NFIC: variants seen among roughly 807,000 people sequenced by gnomAD.
NFIC encodes nuclear factor 1 C-type.
A neutral mutation model predicts 54.4 loss-of-function variants in NFIC; 12 were observed. That is an observed-to-expected ratio of 0.22 (90% CI 0.14 to 0.36). The LOEUF is 0.36. Among genes scored for constraint, NFIC ranks in the 10% least tolerant of loss-of-function variants. The pLI is 1.00. For synonymous variants in NFIC, 322 were observed against 319.2 expected, an observed-to-expected ratio of 1.01 and a Z score of -0.09; for missense variants, 575 against 718.2, an observed-to-expected ratio of 0.80 and a Z score of 2.28.
chr19:3,451,099 G>A (rs1429952375), intron 7 of NFIC, among the ~76,000 whole-genome samples: 1 of 152,194 alleles, frequency 6.6e-6, no homozygotes, highest in Non-Finnish European at 1.5e-5. Flanking sequence ...AAGAGGAAAA[G>A]GCAGGCACCA....
Position 3,463,076 on chromosome 19 carries a change from C to A in NFIC, c.*307C>A. Reference sequence around the variant, plus strand: ...GGACTGGAGGGCCAGGCCCCGCCACCCCCACGGGAGACCCGGGACAGGGCG... The same window carrying A: ...GGACTGGAGGGCCAGGCCCCGCCACACCCACGGGAGACCCGGGACAGGGCG... On this transcript the variant is annotated 3_prime_UTR_variant, in exon 11 of 11. Coordinates refer to ENST00000443272, the MANE Select transcript of NFIC (RefSeq NM_001245002.2). 7.6e-7 allele frequency: 1 copy of A among 1,310,610 alleles called. No homozygotes were observed. Among genetic ancestry groups the A allele is most frequent in the South Asian group, 1.9e-5 (1 of 53,054 alleles). The allele number at this position is 1,310,610 out of a possible 1,614,324, so 81.2% of individuals were successfully genotyped here.
intron 9 of NFIC, among the ~76,000 whole-genome samples, chr19:3,454,717 C>T (rs879702017): frequency 1.3e-4 from 20 of 151,630 alleles, no homozygotes; most frequent in Non-Finnish European, 2.4e-4. Context: ...TCCATCTGCC[C>T]CTCACCCCCC....
chr19:3,454,146 C>T (rs991858026), intron 9 of NFIC: 4 of 1,299,834 alleles, frequency 3.1e-6, no homozygotes, highest in Non-Finnish European at 2.9e-6. Flanking sequence ...AGTCCAGGGT[C>T]TGTCCCCTTC....
intron 7 of NFIC, among the ~76,000 whole-genome samples, chr19:3,451,079 A>G (rs2082455298): frequency 6.6e-6 from 1 of 152,138 alleles, no homozygotes; most frequent in Non-Finnish European, 1.5e-5. Flanking sequence ...AAATCACTGA[A>G]CTGTTTAGAA....
chr19:3,416,390 A>G (rs1326064077), intron 2 of NFIC, among the ~76,000 whole-genome samples: 1 of 150,200 alleles, frequency 6.7e-6, no homozygotes, highest in Non-Finnish European at 1.5e-5. Flanking sequence ...ATGTACCTAT[A>G]TGGCCTGTAG....
At chr19:3,454,105 C>A in intron 9 of NFIC, 189 bp downstream of exon 9, 1 of 1,353,562 alleles carries the variant, frequency 7.4e-7, no homozygotes, top group Non-Finnish European at 9.4e-7. Flanking sequence ...GCCTTAGGGG[C>A]TGGCCGGACC....
intron 6 of NFIC, among the ~76,000 whole-genome samples, chr19:3,442,966 C>T (rs758288908): frequency 1.3e-5 from 2 of 152,212 alleles, no homozygotes; most frequent in African/African-American, 2.4e-5. Context: ...GGACACTGGC[C>T]GGTGTCTAGG....
At position 3,370,839 on chromosome 19, in the gene NFIC, G is replaced by A. The variant is rs1467064370; in HGVS notation, c.30+4173G>A. ...GGGCCTCCTGCCCCGGACACGGCCCGCCCCCCACTCTCCTGCCTGTGTCCA... is the reference window on the plus strand; with the variant it reads ...GGGCCTCCTGCCCCGGACACGGCCCACCCCCCACTCTCCTGCCTGTGTCCA... On this transcript the variant is annotated intron_variant, in intron 1 of 10. Transcript: ENST00000443272. This position sits in a 1 kb window ranked among gnomAD's most constrained non-coding sequence, Gnocchi z 5.2. Among the ~76,000 whole-genome samples, 5 of 151,980 alleles carry A rather than the reference G, an allele frequency of 3.3e-5. No individual in the cohort carries two copies. Among genetic ancestry groups the A allele is most frequent in the African/African-American group, 9.7e-5 (4 of 41,364 alleles).
At chr19:3,385,431 A>G (rs1009938263) in intron 2 of NFIC, among the ~76,000 whole-genome samples, 1 of 152,100 alleles carries the variant, frequency 6.6e-6, no homozygotes, top group Non-Finnish European at 1.5e-5. Flanking sequence ...TAAACCACCC[A>G]CAAGGCATCG....
intron 2 of NFIC, among the ~76,000 whole-genome samples, chr19:3,393,237 T>A (rs534830369): frequency 1.3e-5 from 2 of 152,226 alleles, no homozygotes; most frequent in East Asian, 3.9e-4. Context: ...AGTCCCATCT[T>A]TAGGTCCGCT....
chr19:3,438,285 AGG>A (rs1395579611), intron 6 of NFIC, among the ~76,000 whole-genome samples: 2 of 74,920 alleles, frequency 2.7e-5, no homozygotes, highest in African/African-American at 8.2e-5. Flanking sequence ...CAATGGGGGG[AGG>A]ACAAAGAGGA....
intron 3 of NFIC, 89 bp from the exon 4 acceptor site, chr19:3,433,429 C>A: frequency 4.2e-6 from 6 of 1,420,704 alleles, no homozygotes; most frequent in Non-Finnish European, 5.9e-6. Context: ...AGGCTCGGGC[C>A]AGCCCCCAGG....
chr19:3,388,429 G>A (rs2081331349), intron 2 of NFIC, among the ~76,000 whole-genome samples: 1 of 152,174 alleles, frequency 6.6e-6, no homozygotes, highest in South Asian at 2.1e-4. Flanking sequence ...GTGTTCTAGT[G>A]GAGGAAGCAG....
At chr19:3,403,606 C>T (rs1160853305) in intron 2 of NFIC, among the ~76,000 whole-genome samples, 1 of 152,226 alleles carries the variant, frequency 6.6e-6, no homozygotes, top group Non-Finnish European at 1.5e-5. Flanking sequence ...AGGGGCAGGG[C>T]TTGCCTGAAG....
Position 3,382,171 on chromosome 19 carries a change from G to C in NFIC, c.490G>C (p.Val164Leu), listed in dbSNP as rs200551240. Residue 164 changes from valine (V) to leucine (L), a missense_variant, in exon 2 of 11, where the codon GTG becomes CTG. Coordinates refer to ENST00000443272, the MANE Select transcript of NFIC (RefSeq NM_001245002.2). ...AAQCGHPVLC[V>L]QPHHIGVAVK... ...GCAGTGCGGTCACCCGGTCCTGTGC[G>C]TGCAGCCGCACCACATTGGCGTGGC... is the stretch of plus-strand genomic sequence containing the variant. The C allele has an allele frequency of 6.2e-7, 1 of 1,612,412 alleles. No homozygotes were observed. Among genetic ancestry groups the C allele is most frequent in the Admixed American group, 1.7e-5 (1 of 60,018 alleles).
chr19:3,455,080 G>A (rs1047629179), intron 9 of NFIC, among the ~76,000 whole-genome samples: 1 of 152,192 alleles, frequency 6.6e-6, no homozygotes, highest in African/African-American at 2.4e-5. Context: ...GGGACAAGCC[G>A]GTGACATGGG....
intron 1 of NFIC, among the ~76,000 whole-genome samples, chr19:3,367,071 T>C (rs1181128831): frequency 6.6e-6 from 1 of 151,912 alleles, no homozygotes; most frequent in Non-Finnish European, 1.5e-5. Context: ...CCCGCCTGCC[T>C]CTGAGAGGAA....
chr19:3,467,788 T>TATACATATATATATATATATATATATAA lies in NFIC; in HGVS notation c.*5020_*5021insTACATATATATATATATATATATATAAA, dbSNP rs566623409. The TATACATATATATATATATATATATATAA allele has an allele frequency of 6.6e-5, 9 of 136,798 alleles. No individual in the cohort carries two copies. The South Asian group carries it at 2.1e-3, about 32-fold the overall frequency. 8.5% of individuals were successfully genotyped at this position (136,798 alleles called of 1,614,324 possible). A position where few individuals can be genotyped will look rare whatever the true frequency, so the allele number is the denominator to read the frequency against. ...ATATATATATATATATATATATATA[T>TATACATATATATATATATATATATATAA]AATTTTGGAATTTGTTTCTCATAAT... On this transcript the variant is annotated 3_prime_UTR_variant, in exon 11 of 11. Transcript: ENST00000443272.
chr19:3,431,365 T>C (rs1339583969), intron 3 of NFIC, among the ~76,000 whole-genome samples: 11 of 127,142 alleles, frequency 8.7e-5, no homozygotes, highest in African/African-American at 2.8e-4. Flanking sequence ...TTCTTCTTTT[T>C]TTTTTTTTTT....
Sources: allele counts gnomAD v4.1 joint callset (sites outside exome capture counted in the v4.1 genomes callset), GRCh38; gene constraint gnomAD v4.1.1; non-coding constraint Gnocchi (gnomAD v3.1); transcripts MANE v1.5; gene names NCBI Gene and HGNC (gene_info 2026-07-23, HGNC 2026-07-21).